Variants in CDKL5 observed in about 807,000 individuals in gnomAD.
CDKL5 encodes cyclin dependent kinase like 5.
Under a neutral mutation model 61.7 loss-of-function variants are expected in CDKL5, and 8 were observed. The ratio of observed to expected loss-of-function variants is 0.13; its 90% CI spans 0.08 to 0.23. The LOEUF (loss-of-function observed/expected upper bound fraction) is 0.23. Ranked by LOEUF, CDKL5 falls within the 10% of genes least tolerant of loss-of-function variation. The pLI is 1.00. For missense variants in CDKL5, 440 were observed against 734.5 expected, an observed-to-expected ratio of 0.60 and a Z score of 4.63; for synonymous variants, 275 against 272.3, an observed-to-expected ratio of 1.01 and a Z score of -0.10.
In CDKL5 at chrX:18,579,837, T is replaced by G. The variant is rs1275697689; in HGVS notation, c.283-11T>G. 2.5e-6 allele frequency: 3 copies of G among 1,205,411 alleles called. No homozygotes were observed. Among genetic ancestry groups the G allele is most frequent in the Non-Finnish European group, 3.4e-6 (3 of 890,203 alleles). ...CTAATTTGGGAAATAATGACTCTATTTAATTTTTAGAATATGCTCGAATTG... is the reference window on the plus strand; with the variant it reads ...CTAATTTGGGAAATAATGACTCTATGTAATTTTTAGAATATGCTCGAATTG... On this transcript the variant is annotated splice_polypyrimidine_tract_variant and intron_variant, in intron 5 of 17. Transcript: ENST00000623535.
rs1555940213 is a variant in CDKL5, at chrX:18,509,201, A to ACACG, written c.65-1616_65-1615insGCAC. On this transcript the variant is annotated intron_variant, in intron 2 of 17. Transcript: ENST00000623535. ...AGCGAGACTGTCTCAAAACACGCACACACACACACACACACACACACACAC... is the reference window on the plus strand; with the variant it reads ...AGCGAGACTGTCTCAAAACACGCACACACGCACACACACACACACACACACACAC... 3.1e-3 allele frequency among the ~76,000 whole-genome samples: 193 copies of ACACG among 61,607 alleles called. 3 individuals are homozygous for ACACG. Among genetic ancestry groups the ACACG allele is most frequent in the African/African-American group, 0.011 (180 of 15,975 alleles). The allele number at this position is 61,607 out of a possible 115,157, so 53.5% of individuals were successfully genotyped here.
chrX:18,427,652 G>A (rs1931396549), intron 1 of CDKL5, among the ~76,000 whole-genome samples: 1 of 111,225 alleles, frequency 9.0e-6, no homozygotes, highest in Non-Finnish European at 1.9e-5. Flanking sequence ...AAACAGTTGA[G>A]TATTCCAGTT....
downstream of CDKL5, chrX:18,640,392 A>G (rs1927522018): frequency 1.9e-5 from 2 of 106,985 alleles, no homozygotes; most frequent in South Asian, 8.8e-4. Flanking sequence ...TCTATCCAAA[A>G]TAGATTTGTC....
intron 4 of CDKL5, among the ~76,000 whole-genome samples, chrX:18,571,237 G>T (rs899227126): frequency 1.8e-5 from 2 of 111,343 alleles, no homozygotes; most frequent in African/African-American, 6.5e-5. Context: ...TTGCCGTTCA[G>T]CTAAATGGTA....
At chrX:18,516,039 G>A (rs1318481565) in intron 3 of CDKL5, among the ~76,000 whole-genome samples, 1 of 109,265 alleles carries the variant, frequency 9.2e-6, no homozygotes, top group Admixed American at 9.8e-5. Context: ...CCAGGTTGGA[G>A]TGCAGTGGCA....
At chrX:18,531,136 T>C (rs1923628905) in intron 3 of CDKL5, among the ~76,000 whole-genome samples, 1 of 112,263 alleles carries the variant, frequency 8.9e-6, no homozygotes. Context: ...TTCTGTTAGA[T>C]GAAACAAGAA....
intron 1 of CDKL5, among the ~76,000 whole-genome samples, chrX:18,478,954 G>A (rs1355434842): frequency 9.0e-6 from 1 of 111,069 alleles, no homozygotes; most frequent in Non-Finnish European, 1.9e-5. Context: ...GACCTCAAGT[G>A]ATCTGCCTGC....
intron 6 of CDKL5, among the ~76,000 whole-genome samples, chrX:18,581,582 T>C (rs887317996): frequency 8.9e-6 from 1 of 111,787 alleles, no homozygotes; most frequent in Non-Finnish European, 1.9e-5. Flanking sequence ...GAAGTAATAA[T>C]AGGTTTTTGA....
At chrX:18,477,527 T>C (rs1239341072) in intron 1 of CDKL5, among the ~76,000 whole-genome samples, 1 of 112,652 alleles carries the variant, frequency 8.9e-6, no homozygotes, top group African/African-American at 3.2e-5. Context: ...CTGTTTCTCC[T>C]TTACTGTTTT....
chrX:18,575,748 T>A (rs775524724), intron 5 of CDKL5, among the ~76,000 whole-genome samples: 11 of 112,486 alleles, frequency 9.8e-5, no homozygotes, highest in Non-Finnish European at 1.7e-4. Flanking sequence ...TTAAACTCTA[T>A]GTTCAACAAG....
chrX:18,536,963 A>C (rs1213400178), intron 3 of CDKL5, among the ~76,000 whole-genome samples: 1 of 107,552 alleles, frequency 9.3e-6, no homozygotes, highest in Non-Finnish European at 1.9e-5. Flanking sequence ...ACATATACCC[A>C]TTACTTTCAA....
At chrX:18,559,376 T>G (rs776156514) in intron 3 of CDKL5, among the ~76,000 whole-genome samples, 57 of 110,411 alleles carry the variant, frequency 5.2e-4, no homozygotes, top group African/African-American at 1.7e-3. Context: ...GCCGGGCTAA[T>G]TTTTGTATTT....
chrX:18,567,528 C>T (rs1319464358), intron 4 of CDKL5, among the ~76,000 whole-genome samples: 1 of 111,518 alleles, frequency 9.0e-6, no homozygotes, highest in East Asian at 2.8e-4. Context: ...GCAGATGCTC[C>T]TTGACTTGTG....
At chrX:18,453,844 G>A (rs1342872707) in intron 1 of CDKL5, among the ~76,000 whole-genome samples, 2 of 112,041 alleles carry the variant, frequency 1.8e-5, no homozygotes, top group South Asian at 3.7e-4. Flanking sequence ...TAGGCGTGTT[G>A]TCTTTGTAAG....
At chrX:18,621,538 G>A (rs975350876) in intron 16 of CDKL5, among the ~76,000 whole-genome samples, 15 of 111,599 alleles carry the variant, frequency 1.3e-4, no homozygotes, top group Middle Eastern at 4.6e-3. Context: ...GCAAGAAGGT[G>A]GGGTTTTTTT....
intron 3 of CDKL5, 46 bp downstream of exon 3, chrX:18,510,900 G>C (rs768612597): frequency 4.2e-6 from 4 of 946,429 alleles, no homozygotes; most frequent in Non-Finnish European, 6.1e-6. Flanking sequence ...ATGTTTAACT[G>C]TTTTGAAACT....
At chrX:18,572,299 C>G (rs1052306323) in intron 4 of CDKL5, among the ~76,000 whole-genome samples, 3 of 112,003 alleles carry the variant, frequency 2.7e-5, no homozygotes, top group Non-Finnish European at 5.6e-5. Flanking sequence ...CATCCTGATG[C>G]AGCCATTCTG....
At chrX:18,484,458 T>C (rs1921713613) in intron 1 of CDKL5, among the ~76,000 whole-genome samples, 1 of 108,638 alleles carries the variant, frequency 9.2e-6, no homozygotes, top group Non-Finnish European at 1.9e-5. Context: ...GCTGGGATTA[T>C]AGGAGTGTAC....
chrX:18,580,935 T>G (rs1392304148), intron 6 of CDKL5, among the ~76,000 whole-genome samples: 1 of 111,704 alleles, frequency 9.0e-6, no homozygotes, highest in Non-Finnish European at 1.9e-5. Context: ...AGCAGTTACC[T>G]TATCAAGATT....
Sources: allele counts gnomAD v4.1 joint callset (sites outside exome capture counted in the v4.1 genomes callset), GRCh38; gene constraint gnomAD v4.1.1; transcripts MANE v1.5; gene names NCBI Gene and HGNC (gene_info 2026-07-23, HGNC 2026-07-21).